The following COL14A1 variants were observed in gnomAD, a reference collection of about 807,000 sequenced individuals.
COL14A1 encodes collagen type XIV alpha 1 chain, also known as collagen alpha-1(XIV) chain.
In COL14A1, 136 loss-of-function variants were observed where a neutral mutation model predicts 230.3. The observed-to-expected ratio is 0.59, with a 90% CI of 0.51 to 0.68. The LOEUF is 0.68. COL14A1 is among the 30% of genes least tolerant of loss of function. COL14A1 has a pLI of 0.00. For synonymous variants in COL14A1, 792 were observed against 784.1 expected (o/e 1.01, Z -0.17); for missense variants, 1,976 against 2,215.8 (o/e 0.89, Z 2.17).
chr8:120,150,620 C>T (rs183831659), intron 2 of COL14A1, among the ~76,000 whole-genome samples: 22 of 152,196 alleles, frequency 1.4e-4, no homozygotes, highest in Admixed American at 2.6e-4. Flanking sequence ...GCCAATAGTT[C>T]TCTCTTTAGT....
chr8:120,259,952 C>T (rs1045861391), intron 23 of COL14A1, among the ~76,000 whole-genome samples: 2 of 152,072 alleles, frequency 1.3e-5, no homozygotes, highest in Admixed American at 6.6e-5. Context: ...CTAAGCAAAG[C>T]GAAACACTGA....
intron 20 of COL14A1, among the ~76,000 whole-genome samples, chr8:120,246,150 A>G (rs1818754137): frequency 6.6e-6 from 1 of 152,202 alleles, no homozygotes; most frequent in Non-Finnish European, 1.5e-5. Context: ...TGAAGCCCAG[A>G]GTCCTGATTC....
At chr8:120,235,816 G>A (rs1019088180) in intron 19 of COL14A1, among the ~76,000 whole-genome samples, 4 of 152,162 alleles carry the variant, frequency 2.6e-5, no homozygotes, top group Non-Finnish European at 5.9e-5. Context: ...GGTACATTGT[G>A]TCTTTGTTCT....
At chr8:120,132,686 AC>A (rs1157670311) in intron 1 of COL14A1, among the ~76,000 whole-genome samples, 1 of 151,696 alleles carries the variant, frequency 6.6e-6, no homozygotes, top group Non-Finnish European at 1.5e-5. Context: ...TTGTTCTGTC[AC>A]CCAGGCTGTG....
intron 40 of COL14A1, among the ~76,000 whole-genome samples, chr8:120,325,463 TTAAG>T (rs1246102753): frequency 1.4e-5 from 2 of 142,062 alleles, no homozygotes; most frequent in Non-Finnish European, 3.1e-5. Flanking sequence ...CATTGCTTAA[TTAAG>T]TGTTCTGCTG....
intron 13 of COL14A1, among the ~76,000 whole-genome samples, chr8:120,214,832 G>A (rs1322148509): frequency 6.6e-6 from 1 of 152,100 alleles, no homozygotes; most frequent in Non-Finnish European, 1.5e-5. Flanking sequence ...GCTGTTGCAC[G>A]TAAGATGATC....
chr8:120,151,967 A>G (rs1349426244), intron 2 of COL14A1, among the ~76,000 whole-genome samples: 1 of 152,096 alleles, frequency 6.6e-6, no homozygotes, highest in East Asian at 1.9e-4. Flanking sequence ...GAATGTGAGA[A>G]GCCTCTAGAA....
Position 120,221,569 on chromosome 8 carries a change from C to CACAT in COL14A1, c.1738-3516_1738-3515insTACA, listed in dbSNP as rs1817937029. Among the ~76,000 whole-genome samples the CACAT allele has an allele frequency of 2.0e-5, 3 of 151,770 alleles. No individual in the cohort carries two copies. In the South Asian group the frequency reaches 6.2e-4, roughly 32 times the overall value. On this transcript the variant is annotated intron_variant, in intron 14 of 47. Coordinates refer to ENST00000297848, the MANE Select transcript of COL14A1 (RefSeq NM_021110.4). ...ATACACACACACACATGCACACACA[C>CACAT]ACACACACACACACGTTTCTCCTTT...
In COL14A1 at chr8:120,250,676, A is replaced by T. The variant is rs1471569356; in HGVS notation, c.2662A>T (p.Asn888Tyr). The T allele has an allele frequency of 6.2e-7, 1 of 1,614,150 alleles. No individual in the cohort carries two copies. The highest frequency in any genetic ancestry group is 8.5e-7 in the Non-Finnish European group (1 of 1,180,030). ...TGACATTAACACCATCCTTATCACA[A>T]ACCTCCTCAGCGGAATGGACTACAA... ...GADINTILIT[N>Y]LLSGMDYNVK... is the part of the protein sequence containing the mutation. The change falls in exon 22 of 48, where the codon AAC becomes TAC. Residue 888 changes from asparagine to tyrosine, a missense_variant. Transcript: ENST00000297848.
chr8:120,367,472 T>G (rs1056527793), intron 46 of COL14A1, among the ~76,000 whole-genome samples: 1 of 152,204 alleles, frequency 6.6e-6, no homozygotes, highest in African/African-American at 2.4e-5. Context: ...TGAGTTGCGA[T>G]AGGACAGACT....
chr8:120,247,116 T>A (rs1053590256), intron 20 of COL14A1, among the ~76,000 whole-genome samples: 1 of 152,198 alleles, frequency 6.6e-6, no homozygotes, highest in Non-Finnish European at 1.5e-5. Context: ...CTAAGAGCAA[T>A]TATTTCCCAT....
chr8:120,357,102 T>A (rs1480374968), intron 45 of COL14A1, among the ~76,000 whole-genome samples: 1 of 152,258 alleles, frequency 6.6e-6, no homozygotes, highest in Non-Finnish European at 1.5e-5. Context: ...TAAAACTTAG[T>A]GGCTTAAAGC....
At chr8:120,367,077 A>G in intron 45 of COL14A1, 94 bp from the exon 46 acceptor site, 1 of 974,294 alleles carries the variant, frequency 1.0e-6, no homozygotes, top group South Asian at 1.7e-5. Flanking sequence ...AATTGTCTTC[A>G]TCAGAGAAGC....
At chr8:120,334,060 CT>C (rs1312838579) in intron 42 of COL14A1, among the ~76,000 whole-genome samples, 1 of 152,150 alleles carries the variant, frequency 6.6e-6, no homozygotes, top group Non-Finnish European at 1.5e-5. Context: ...TTTGAAGGGC[CT>C]TTTTTTCTGC....
chr8:120,146,077 A>AGT (rs1815081406), intron 1 of COL14A1, among the ~76,000 whole-genome samples: 1 of 152,158 alleles, frequency 6.6e-6, no homozygotes, highest in Non-Finnish European at 1.5e-5. Flanking sequence ...TGAACTCACT[A>AGT]GCTCTGTGAC....
chr8:120,271,456 G>A (rs1002734156), intron 26 of COL14A1, among the ~76,000 whole-genome samples: 8 of 151,666 alleles, frequency 5.3e-5, no homozygotes, highest in Non-Finnish European at 1.0e-4. Flanking sequence ...AGGTAGGGAT[G>A]TAAGCTATGA....
intron 28 of COL14A1, among the ~76,000 whole-genome samples, chr8:120,279,710 T>C (rs894457958): frequency 6.6e-6 from 1 of 152,170 alleles, no homozygotes; most frequent in Non-Finnish European, 1.5e-5. Flanking sequence ...CTTGGTCTTC[T>C]TGGGTTTCTT....
rs1812183911 is a variant in COL14A1, at chr8:120,372,193, G to A, written c.*962G>A. ...ACTCACTCATTCATTCATTCTGAGT[G>A]CAGTAGAAAACAGAAGAAGCAGTTA... On this transcript the variant is annotated 3_prime_UTR_variant, in exon 48 of 48. Transcript: ENST00000297848. Among the ~76,000 whole-genome samples the A allele has an allele frequency of 6.6e-6, 1 of 152,164 alleles. No individual in the cohort carries two copies. The highest frequency in any genetic ancestry group is 2.1e-4 in the South Asian group (1 of 4,830).
chr8:120,198,068 C>T, intron 7 of COL14A1, 138 bp downstream of exon 7: 1 of 818,406 alleles, frequency 1.2e-6, no homozygotes, highest in Non-Finnish European at 1.9e-6. Context: ...GCTGTTTTCC[C>T]AAACTCAGCA....
Sources: gnomAD v4.1 joint callset for allele counts (sites outside exome capture counted in the v4.1 genomes callset) on GRCh38, gnomAD v4.1.1 for gene constraint, MANE v1.5 for transcripts, NCBI Gene and HGNC (gene_info 2026-07-23, HGNC 2026-07-21) for gene names.